The following DICER1 variants were observed in gnomAD, a reference collection of about 807,000 sequenced individuals.
The protein encoded by DICER1 is endoribonuclease Dicer.
In DICER1, 43 loss-of-function variants were observed where a neutral mutation model predicts 194.1. That is an observed-to-expected ratio of 0.22 (90% CI 0.17 to 0.29). The LOEUF is 0.29. Ranked by LOEUF, DICER1 falls within the 10% of genes least tolerant of loss-of-function variation. The pLI, the probability that DICER1 is intolerant of heterozygous loss-of-function variation, is 1.00. For missense variants in DICER1, 1,608 were observed against 2,317.0 expected, an observed-to-expected ratio of 0.69 and a Z score of 6.28; for synonymous variants, 832 against 820.5, an observed-to-expected ratio of 1.01 and a Z score of -0.24.
At chr14:95,091,570 G>A (rs980004073) in intron 24 of DICER1, 8 of 561,764 alleles carry the variant, frequency 1.4e-5, no homozygotes, top group Middle Eastern at 4.8e-4. Flanking sequence ...AAGAAAAAAA[G>A]AAAAAATATC....
intron 23 of DICER1, chr14:95,095,603 T>C: frequency 1.7e-6 from 1 of 585,412 alleles, no homozygotes; most frequent in African/African-American, 1.9e-5. Context: ...CTGATGAGGG[T>C]ATATGATAGC....
chr14:95,125,139 A>C (rs1172183044), intron 7 of DICER1, among the ~76,000 whole-genome samples: 1 of 152,344 alleles, frequency 6.6e-6, no homozygotes, highest in Non-Finnish European at 1.5e-5. Context: ...GTCGATCTAC[A>C]GTCAGCACCT....
Position 95,096,225 on chromosome 14 carries a change from G to T in DICER1, c.4695C>A (p.Ala1565=), listed in dbSNP as rs780868309. ...ADKSIADCVE[A]LLGCYLTSCG... is the part of the protein sequence containing the mutation. Reference sequence around the variant, plus strand: ...AGCTGGTTAAATAGCAGCCCAGCAGGGCTTCCACACAGTCCGCTATGCTTT... The same window carrying T: ...AGCTGGTTAAATAGCAGCCCAGCAGTGCTTCCACACAGTCCGCTATGCTTT... The change falls in exon 23 of 27, where the codon GCC becomes GCA. Residue 1565 remains alanine, a synonymous_variant. Coordinates refer to ENST00000343455, the MANE Select transcript of DICER1 (RefSeq NM_177438.3). 1.2e-6 allele frequency: 2 copies of T among 1,614,058 alleles called. No individual in the cohort carries two copies. The highest frequency in any genetic ancestry group is 4.5e-5 in the East Asian group (2 of 44,892).
At chr14:95,156,621 C>CGCA (rs1895887698) in intron 1 of DICER1, among the ~76,000 whole-genome samples, 1 of 152,236 alleles carries the variant, frequency 6.6e-6, no homozygotes, top group South Asian at 2.1e-4. Context: ...AAGGGTCCTC[C>CGCA]GCAGGGTCTA....
At chr14:95,108,552 C>G in intron 14 of DICER1, 49 bp from the exon 15 acceptor site, 1 of 1,528,590 alleles carries the variant, frequency 6.5e-7, no homozygotes, top group African/African-American at 1.4e-5. Flanking sequence ...ATATTAGCCT[C>G]TTTTCCAGAT....
intron 6 of DICER1, among the ~76,000 whole-genome samples, chr14:95,128,459 A>G (rs1160914396): frequency 1.3e-5 from 2 of 152,206 alleles, no homozygotes; most frequent in Admixed American, 6.5e-5. Flanking sequence ...CACGTTCTAG[A>G]GGTCGTAAGA....
At chr14:95,139,981 A>C (rs1894724456) in intron 1 of DICER1, among the ~76,000 whole-genome samples, 1 of 152,226 alleles carries the variant, frequency 6.6e-6, no homozygotes, top group Non-Finnish European at 1.5e-5. Flanking sequence ...GAAAACCTAT[A>C]ATTTTGCCAA....
rs778494781 is a variant in DICER1, at chr14:95,105,113, C to T, written c.3227G>A (p.Ser1076Asn). Reference sequence around the variant, plus strand: ...TGATCTGACTCCCACGCCAGCATCGCTGGCAGTCTGGGCTCTTAGCTCCTC... The same window carrying T: ...TGATCTGACTCCCACGCCAGCATCGTTGGCAGTCTGGGCTCTTAGCTCCTC... The part of the protein sequence containing the change: ...TAEELRAQTA[S>N]DAGVGVRSLP... Residue 1076 changes from serine to asparagine, a missense_variant, in exon 20 of 27, where the codon AGC becomes AAC. This residue lies in a region of DICER1 where 79 missense variants were observed against 176.1 expected (regional missense o/e 0.45). Transcript: ENST00000343455. This position sits in a 1 kb window ranked among gnomAD's most constrained non-coding sequence, Gnocchi z 4.9. 9.9e-6 allele frequency: 16 copies of T among 1,614,112 alleles called. No individual in the cohort carries two copies. The East Asian group carries it at 3.3e-4, about 34-fold the overall frequency.
chr14:95,139,631 G>C (rs1051332483), intron 1 of DICER1, among the ~76,000 whole-genome samples: 2 of 152,154 alleles, frequency 1.3e-5, no homozygotes, highest in African/African-American at 4.8e-5. Context: ...ATACATTTAA[G>C]TAAATATTTG....
intron 1 of DICER1, among the ~76,000 whole-genome samples, chr14:95,144,155 T>C (rs1263380886): frequency 2.6e-5 from 4 of 152,174 alleles, no homozygotes; most frequent in Non-Finnish European, 4.4e-5. Context: ...CATATACTTA[T>C]ATATACATAT....
Position 95,156,677 on chromosome 14 carries a change from C to T in DICER1, c.-46+553G>A, listed in dbSNP as rs1251526569. 3.3e-5 allele frequency among the ~76,000 whole-genome samples: 5 copies of T among 152,356 alleles called. No individual in the cohort carries two copies. In the Middle Eastern group the frequency reaches 0.01, roughly 311 times the overall value. Reference sequence around the variant, plus strand: ...TCTGAGGGGAGAGGCAAAAGAATGGCCTCGGCCCCTGCCCGCCCCCCAGGG... The same window carrying T: ...TCTGAGGGGAGAGGCAAAAGAATGGTCTCGGCCCCTGCCCGCCCCCCAGGG... On this transcript the variant is annotated intron_variant, in intron 1 of 26. Transcript: ENST00000343455.
At chr14:95,107,567 C>A in intron 17 of DICER1, 41 bp downstream of exon 17, 1 of 1,609,994 alleles carries the variant, frequency 6.2e-7, no homozygotes, top group Non-Finnish European at 8.5e-7. Context: ...TCTTTTAAAA[C>A]AAAGTATCAC....
At position 95,112,212 on chromosome 14, in the gene DICER1, T is replaced by G; in HGVS notation, c.2076A>C (p.Arg692Ser). 6.2e-7 allele frequency: 1 copy of G among 1,614,078 alleles called. No individual in the cohort carries two copies. Among genetic ancestry groups the G allele is most frequent in the Non-Finnish European group, 8.5e-7 (1 of 1,179,978 alleles). ...TCTCACAGCAAATGAGAGCTACAACTCTTTCAGCCAATCGTACACAGCTCA... is the reference window on the plus strand; with the variant it reads ...TCTCACAGCAAATGAGAGCTACAACGCTTTCAGCCAATCGTACACAGCTCA... ...PPMSCVRLAE[R>S]VVALICCEKL... The change falls in exon 13 of 27, where the codon AGA becomes AGC. Residue 692 changes from arginine (R) to serine (S), a missense_variant. This residue lies in a region of DICER1 where 657 missense variants were observed against 910.1 expected (regional missense o/e 0.72). Transcript: ENST00000343455.
At chr14:95,101,715 T>C (rs1374327193) in intron 21 of DICER1, among the ~76,000 whole-genome samples, 1 of 152,202 alleles carries the variant, frequency 6.6e-6, no homozygotes, top group Non-Finnish European at 1.5e-5. Flanking sequence ...GACACACTCC[T>C]GACTCTCCCA....
chr14:95,135,153 C>T (rs1894262849), intron 1 of DICER1, among the ~76,000 whole-genome samples: 1 of 152,208 alleles, frequency 6.6e-6, no homozygotes. Context: ...CACTGACCTT[C>T]TCACCTGGAA....
chr14:95,124,548 T>C lies in DICER1; in HGVS notation c.1024A>G (p.Arg342Gly), dbSNP rs2140206621. 1.2e-6 allele frequency: 2 copies of C among 1,613,968 alleles called. No homozygotes were observed. Among genetic ancestry groups the C allele is most frequent in the Non-Finnish European group, 1.7e-6 (2 of 1,180,020 alleles). ...YIKHEQEELH[R>G]KFLLFTDTFL... ...GTGTCTGTAAACAATAAAAATTTCC[T>C]GTGCAGCTCCTCTTGCTCATGTTTG... Residue 342 changes from arginine (R) to glycine (G), a missense_variant, in exon 8 of 27, where the codon AGG (arginine) becomes GGG (glycine). Coordinates refer to ENST00000343455, the MANE Select transcript of DICER1 (RefSeq NM_177438.3). This position sits in a 1 kb window ranked among gnomAD's most constrained non-coding sequence, Gnocchi z 4.5.
At chr14:95,126,993 A>G (rs1344992313) in intron 6 of DICER1, among the ~76,000 whole-genome samples, 1 of 152,208 alleles carries the variant, frequency 6.6e-6, no homozygotes, top group Admixed American at 6.5e-5. Context: ...ATGTTTTCAA[A>G]AGGCAAGGGG....
At chr14:95,115,083 C>T (rs1464565412) in intron 11 of DICER1, among the ~76,000 whole-genome samples, 5 of 152,128 alleles carry the variant, frequency 3.3e-5, no homozygotes, top group African/African-American at 1.2e-4. Flanking sequence ...GGGTGAAAGG[C>T]ATATGCGGAA....
rs1470502463 is a variant in DICER1 at position 95,089,896 on chromosome 14, A to G, written c.*602T>C. The G allele has an allele frequency of 4.3e-6, 1 of 233,486 alleles. No homozygotes were observed. Among genetic ancestry groups the G allele is most frequent in the Non-Finnish European group, 8.5e-6 (1 of 118,120 alleles). 14.5% of individuals were successfully genotyped at this position (233,486 alleles called of 1,614,324 possible). A position where few individuals can be genotyped will look rare whatever the true frequency, so the allele number is the denominator to read the frequency against. On this transcript the variant is annotated 3_prime_UTR_variant, in exon 27 of 27. Transcript: ENST00000343455. ...TCAGAAAACTAAAATGTGATTCACC[A>G]ACATGCCAGCCAATGTTCATTAAAA...
Sources: allele counts gnomAD v4.1 joint callset (sites outside exome capture counted in the v4.1 genomes callset), GRCh38; gene constraint gnomAD v4.1.1; regional missense constraint gnomAD v4.1.1; non-coding constraint Gnocchi (gnomAD v3.1); transcripts MANE v1.5; gene names NCBI Gene and HGNC (gene_info 2026-07-23, HGNC 2026-07-21).